Variants in ARHGEF7 observed in about 807,000 individuals in gnomAD.
ARHGEF7 encodes Rho guanine nucleotide exchange factor 7.
A neutral mutation model predicts 109.8 loss-of-function variants in ARHGEF7; 33 were observed. That is an observed-to-expected ratio of 0.30 (90% CI 0.23 to 0.40). The LOEUF is 0.40. Ranked by LOEUF, ARHGEF7 falls within the 10% of genes least tolerant of loss-of-function variation. The pLI is 1.00. For missense variants in ARHGEF7, 938 were observed against 1,098.5 expected, an observed-to-expected ratio of 0.85 and a Z score of 2.07; for synonymous variants, 458 against 424.6, an observed-to-expected ratio of 1.08 and a Z score of -0.97.
rs1032227657 is a variant in ARHGEF7, at chr13:111,131,269, G to A, written c.165+15578G>A. ...CCAAGGGAGCCCAGGAGGGTGCGGCGGCGGGCAGACAGGGGGACAGTGATT... is the reference window on the plus strand; with the variant it reads ...CCAAGGGAGCCCAGGAGGGTGCGGCAGCGGGCAGACAGGGGGACAGTGATT... On this transcript the variant is annotated intron_variant, in intron 1 of 21. Transcript: ENST00000646102. This position sits in a 1 kb window ranked among gnomAD's most constrained non-coding sequence, Gnocchi z 4.4. Among the ~76,000 whole-genome samples the A allele has an allele frequency of 1.8e-4, 27 of 151,982 alleles. No homozygotes were observed. The highest frequency in any genetic ancestry group is 6.5e-4 in the African/African-American group (27 of 41,352).
At chr13:111,300,947 C>G (rs1022692462) in intron 20 of ARHGEF7, 100 bp downstream of exon 20, 3 of 667,420 alleles carry the variant, frequency 4.5e-6, no homozygotes, top group African/African-American at 3.8e-5. Flanking sequence ...GCTTCAGAAG[C>G]TTCACTTTTT....
intron 2 of ARHGEF7, among the ~76,000 whole-genome samples, chr13:111,203,413 C>T (rs554810479): frequency 6.6e-6 from 1 of 152,196 alleles, no homozygotes; most frequent in Non-Finnish European, 1.5e-5. Flanking sequence ...ATAAATATTA[C>T]AACAAATGTA....
At chr13:111,168,823 T>C (rs1190045530) in intron 2 of ARHGEF7, among the ~76,000 whole-genome samples, 1 of 152,196 alleles carries the variant, frequency 6.6e-6, no homozygotes, top group African/African-American at 2.4e-5. Flanking sequence ...GTTGAGAGAA[T>C]AGGTTCCTTG....
At chr13:111,262,924 A>G (rs60013274) in intron 8 of ARHGEF7, among the ~76,000 whole-genome samples, 3,359 of 152,316 alleles carry the variant, frequency 0.022, 126 homozygotes, top group African/African-American at 0.077. Flanking sequence ...GCTGCCTCTC[A>G]TGACTCATGT....
chr13:111,269,281 G>A (rs753871905), intron 9 of ARHGEF7, among the ~76,000 whole-genome samples: 18 of 152,196 alleles, frequency 1.2e-4, no homozygotes, highest in Non-Finnish European at 2.2e-4. Context: ...TGTTAAATTT[G>A]TATCTCTGGA....
At chr13:111,187,440 G>A (rs1267026368) in intron 2 of ARHGEF7, among the ~76,000 whole-genome samples, 5 of 152,170 alleles carry the variant, frequency 3.3e-5, no homozygotes, top group East Asian at 3.9e-4. Context: ...AAAGCCTTCC[G>A]GTTCTGAGCT....
chr13:111,171,540 C>G (rs1392161433), intron 2 of ARHGEF7, among the ~76,000 whole-genome samples: 4 of 152,202 alleles, frequency 2.6e-5, no homozygotes, highest in Admixed American at 2.6e-4. Flanking sequence ...ATGCTTTGAT[C>G]TTTTAGTTGA....
rs116595497 is a variant in ARHGEF7 at position 111,225,117 on chromosome 13, A to G, written c.670+7237A>G. Among the ~76,000 whole-genome samples the G allele has an allele frequency of 3.6e-3, 547 of 152,314 alleles. 5 individuals carry two copies. Among genetic ancestry groups the G allele is most frequent in the African/African-American group, 0.013 (521 of 41,578 alleles). ...GTATACCGAGCATGTCCTCACTGCA[A>G]TGTGGCTGCCTCCCGTTGTCGGTGA... On this transcript the variant is annotated intron_variant, in intron 5 of 21. Coordinates refer to ENST00000646102, the MANE Select transcript of ARHGEF7 (RefSeq NM_001354046.2).
intron 1 of ARHGEF7, among the ~76,000 whole-genome samples, chr13:111,140,701 T>C (rs552780884): frequency 6.6e-6 from 1 of 152,264 alleles, no homozygotes; most frequent in Non-Finnish European, 1.5e-5. Flanking sequence ...GTTCGTTTGT[T>C]TGCTTTTTTA....
At chr13:111,208,261 A>ATC (rs1425095686) in intron 3 of ARHGEF7, among the ~76,000 whole-genome samples, 9 of 152,058 alleles carry the variant, frequency 5.9e-5, no homozygotes, top group African/African-American at 2.2e-4. Context: ...GCTGGTCTGG[A>ATC]ACTCCCAGCC....
At chr13:111,283,454 C>G in intron 16 of ARHGEF7, 91 bp downstream of exon 16, 1 of 1,472,602 alleles carries the variant, frequency 6.8e-7, no homozygotes, top group Non-Finnish European at 9.0e-7. Context: ...CTGTGTACAG[C>G]AAAATGCACC....
chr13:111,174,885 G>A (rs1157099618), intron 2 of ARHGEF7, among the ~76,000 whole-genome samples: 1 of 152,180 alleles, frequency 6.6e-6, no homozygotes, highest in Non-Finnish European at 1.5e-5. Flanking sequence ...CAGTCCTCGG[G>A]TTGGTTTTGT....
chr13:111,294,695 C>A, intron 19 of ARHGEF7: 1 of 985,400 alleles, frequency 1.0e-6, no homozygotes, highest in Non-Finnish European at 1.2e-6. Context: ...ATCCAGAGGG[C>A]CATTGTTTCT....
At chr13:111,120,067 T>C (rs77116141) in intron 1 of ARHGEF7, among the ~76,000 whole-genome samples, 26,725 of 152,204 alleles carry the variant, frequency 0.18, 2,498 homozygotes, top group Middle Eastern at 0.26. Context: ...TGCTTCTAAC[T>C]AAACTACCCT....
At chr13:111,128,241 ATCTAGATTGAAAAGGAAG>A (rs2067710553) in intron 1 of ARHGEF7, among the ~76,000 whole-genome samples, 1 of 152,252 alleles carries the variant, frequency 6.6e-6, no homozygotes, top group Non-Finnish European at 1.5e-5. Flanking sequence ...AACCAAAGCC[ATCTAGATTGAAAAGGAAG>A]AAGTAAAGCT....
rs2082124055 is a variant in ARHGEF7, at chr13:111,208,345, T to C, written c.338-1527T>C. ...ATGAGCCACTGCGCCTGGCCTCGTT[T>C]CTTTCTAGATTTCAGCTTTCCTTGA... is the stretch of plus-strand genomic sequence containing the variant. On this transcript the variant is annotated intron_variant, in intron 3 of 21. Transcript: ENST00000646102. Among the ~76,000 whole-genome samples, 6 of 152,224 alleles carry C rather than the reference T, an allele frequency of 3.9e-5. No individual in the cohort carries two copies. In the South Asian group the frequency reaches 1.2e-3, roughly 31 times the overall value.
Position 111,303,010 on chromosome 13 carries a change from A to T in ARHGEF7, c.2486A>T (p.Lys829Ile), listed in dbSNP as rs2093605213. 1 of 1,614,150 alleles carries T rather than the reference A, an allele frequency of 6.2e-7. No individual in the cohort carries two copies. Residue 829 changes from lysine to isoleucine, a missense_variant, in exon 22 of 22, where the codon AAA (lysine) becomes ATA (isoleucine). By Grantham distance (102) the Lys-to-Ile change is moderately radical. Around this residue, in one of 4 missense-constraint regions of ARHGEF7, gnomAD observed 166 missense variants for 167.3 expected, o/e 0.99. Transcript: ENST00000646102. ...TTACAGGACAACAAAAAGATGAAGA[A>T]ATCTCTAGAGGAAGAACAGAGAGCC... is the stretch of plus-strand genomic sequence containing the variant. The part of the protein sequence containing the change: ...ELRQDNKKMK[K>I]SLEEEQRARK...
Position 111,288,337 on chromosome 13 carries a change from T to G in ARHGEF7, c.2045-17T>G. 3 of 1,603,662 alleles carry G rather than the reference T, an allele frequency of 1.9e-6. No individual in the cohort carries two copies. Among genetic ancestry groups the G allele is most frequent in the Non-Finnish European group, 1.7e-6 (2 of 1,171,010 alleles). On this transcript the variant is annotated splice_polypyrimidine_tract_variant and intron_variant, in intron 17 of 21. Transcript: ENST00000646102. ...GCCTTTCAGTTCGACTGTGAACTGT[T>G]GCGCATCTCTTGACAGGCACAGCTG...
At chr13:111,292,680 T>A (rs2093326550) in intron 19 of ARHGEF7, 1 of 1,061,208 alleles carries the variant, frequency 9.4e-7, no homozygotes, top group East Asian at 7.7e-5. Flanking sequence ...TATTTTATAC[T>A]GAAATCACAC....
Sources: gnomAD v4.1 joint callset for allele counts (sites outside exome capture counted in the v4.1 genomes callset) on GRCh38, gnomAD v4.1.1 for gene constraint, gnomAD v4.1.1 regional missense constraint, Gnocchi (gnomAD v3.1) non-coding constraint, MANE v1.5 for transcripts, NCBI Gene and HGNC (gene_info 2026-07-23, HGNC 2026-07-21) for gene names.